MCMBP: variants seen among roughly 807,000 people sequenced by gnomAD.
MCMBP encodes the protein minichromosome maintenance complex binding protein, also known as mini-chromosome maintenance complex-binding protein.
Under a neutral mutation model 81.3 loss-of-function variants are expected in MCMBP, and 31 were observed. The observed-to-expected ratio is 0.38, with a 90% CI of 0.29 to 0.51. The LOEUF is 0.51. Ranked by LOEUF, MCMBP falls within the 20% of genes least tolerant of loss-of-function variation. The pLI, the probability that MCMBP is intolerant of heterozygous loss-of-function variation, is 0.87. For missense variants in MCMBP, 645 were observed against 772.1 expected (o/e 0.84, Z 1.95); for synonymous variants, 267 against 275.9 (o/e 0.97, Z 0.32).
At chr10:119,840,996 AG>A (rs765647637) in intron 10 of MCMBP, 36 bp from the exon 11 acceptor site, 1 of 1,206,544 alleles carries the variant, frequency 8.3e-7, no homozygotes, top group East Asian at 2.3e-5. Context: ...AAGATGCTGA[AG>A]TGACTTCCTG....
intron 1 of MCMBP, among the ~76,000 whole-genome samples, chr10:119,870,037 C>T (rs1853613600): frequency 6.6e-6 from 1 of 152,200 alleles, no homozygotes; most frequent in Admixed American, 6.5e-5. Flanking sequence ...ATTTAAATAG[C>T]CACACATGGC....
In MCMBP at chr10:119,831,260, T is replaced by G; in HGVS notation, c.*214A>C. 1 of 335,604 alleles carries G rather than the reference T, an allele frequency of 3.0e-6. No homozygotes were observed. Among genetic ancestry groups the G allele is most frequent in the Non-Finnish European group, 5.3e-6 (1 of 187,874 alleles). The allele number at this position is 335,604 out of a possible 1,614,324, so 20.8% of individuals were successfully genotyped here. ...ACATCATTACTAATTTATATAATTA[T>G]TATAAAACAAACTTCAAAAGCTCCA... On this transcript the variant is annotated 3_prime_UTR_variant, in exon 16 of 16. Transcript: ENST00000369077.
At chr10:119,867,046 A>G (rs1853484766) in intron 1 of MCMBP, among the ~76,000 whole-genome samples, 1 of 152,064 alleles carries the variant, frequency 6.6e-6, no homozygotes, top group African/African-American at 2.4e-5. Flanking sequence ...TAATCCCAGC[A>G]CTTTGGGAGG....
chr10:119,844,123 G>A (rs746530842), intron 8 of MCMBP, among the ~76,000 whole-genome samples: 2 of 152,120 alleles, frequency 1.3e-5, no homozygotes, highest in Non-Finnish European at 1.5e-5. Flanking sequence ...AAAGCCATCT[G>A]GTATCTATTA....
At chr10:119,841,511 AC>A (rs1852431497) in intron 10 of MCMBP, among the ~76,000 whole-genome samples, 1 of 152,280 alleles carries the variant, frequency 6.6e-6, no homozygotes, top group Non-Finnish European at 1.5e-5. Context: ...TGCAGCCACT[AC>A]AAAGTTCATG....
At position 119,859,037 on chromosome 10, in the gene MCMBP, T is replaced by C. The variant is rs1457139059; in HGVS notation, c.285+4A>G. 1 of 1,613,312 alleles carries C rather than the reference T, an allele frequency of 6.2e-7. No individual in the cohort carries two copies. The highest frequency in any genetic ancestry group is 8.5e-7 in the Non-Finnish European group (1 of 1,179,660). ...CACAAATTCATGAAAACAGCAATAC[T>C]TACATGTGCTTTTGTGTTTTGGTTA... On this transcript the variant is annotated splice_donor_region_variant and intron_variant, in intron 3 of 15. Coordinates refer to ENST00000369077, the MANE Select transcript of MCMBP (RefSeq NM_001256378.2).
In MCMBP at chr10:119,830,637, G is replaced by A. The variant is rs1283739377; in HGVS notation, c.*837C>T. On this transcript the variant is annotated 3_prime_UTR_variant, in exon 16 of 16. Coordinates refer to ENST00000369077, the MANE Select transcript of MCMBP (RefSeq NM_001256378.2). The stretch of plus-strand genomic sequence containing the variant: ...CATGGTTCTCAAATGCACTGGGATA[G>A]GAGAAAATAAAGACAATGTAGTGTC... The A allele has an allele frequency of 6.6e-6, 1 of 152,482 alleles. No individual in the cohort carries two copies. The highest frequency in any genetic ancestry group is 1.5e-5 in the Non-Finnish European group (1 of 68,040). The allele number at this position is 152,482 out of a possible 1,614,324, so 9.4% of individuals were successfully genotyped here.
At chr10:119,842,792 T>C in intron 9 of MCMBP, 197 bp from the exon 10 acceptor site, 1 of 502,604 alleles carries the variant, frequency 2.0e-6, no homozygotes, top group Non-Finnish European at 3.4e-6. Flanking sequence ...GAGACCAAGT[T>C]TTGCTCTTTT....
At chr10:119,847,387 TA>T (rs1239628320) in intron 8 of MCMBP, among the ~76,000 whole-genome samples, 3 of 152,156 alleles carry the variant, frequency 2.0e-5, no homozygotes, top group South Asian at 2.1e-4. Context: ...GACAAGCAGT[TA>T]GGGGTAAAAG....
intron 5 of MCMBP, 99 bp from the exon 6 acceptor site, chr10:119,853,293 A>C: frequency 7.9e-7 from 1 of 1,259,376 alleles, no homozygotes; most frequent in South Asian, 1.5e-5. Flanking sequence ...TTGGCAATTC[A>C]GTTAAAATAG....
intron 1 of MCMBP, among the ~76,000 whole-genome samples, chr10:119,867,980 T>C (rs147897687): frequency 2.0e-4 from 30 of 152,346 alleles, no homozygotes; most frequent in African/African-American, 7.2e-4. Flanking sequence ...TTAAATTCTC[T>C]AAAATGCTAG....
At chr10:119,835,225 A>G (rs1383103117) in intron 14 of MCMBP, among the ~76,000 whole-genome samples, 1 of 152,216 alleles carries the variant, frequency 6.6e-6, no homozygotes, top group African/African-American at 2.4e-5. Context: ...CATTAGCCAC[A>G]CAAATTTTTT....
chr10:119,843,525 G>A (rs1298665486), intron 8 of MCMBP, 99 bp from the exon 9 acceptor site: 1 of 1,164,036 alleles, frequency 8.6e-7, no homozygotes, highest in Non-Finnish European at 1.2e-6. Flanking sequence ...TTAAAGCCAA[G>A]AATATTTCCA....
Position 119,836,757 on chromosome 10 carries a change from GTTTTTTTTTTTTTTTTTTTT to G in MCMBP, c.1542+119_1542+138del, listed in dbSNP as rs199759464. On this transcript the variant is annotated intron_variant, in intron 13 of 15. Coordinates refer to ENST00000369077, the MANE Select transcript of MCMBP (RefSeq NM_001256378.2). Reference sequence around the variant, plus strand: ...ATTCCCTTAATGATCAGCAGTCACAGTTTTTTTTTTTTTTTTTTTTTTTTTTTTTTTTTTTTTACAACAAA... The same window carrying G: ...ATTCCCTTAATGATCAGCAGTCACAGTTTTTTTTTTTTTTTTTACAACAAA... The G allele has an allele frequency of 7.9e-3, 2,337 of 296,772 alleles. 57 individuals carry two copies. The highest frequency in any genetic ancestry group is 0.052 in the African/African-American group (1,611 of 30,960). The allele number at this position is 296,772 out of a possible 1,614,324, so 18.4% of individuals were successfully genotyped here. A position where few individuals can be genotyped will look rare whatever the true frequency, so the allele number is the denominator to read the frequency against.
At chr10:119,866,840 G>A (rs1405743765) in intron 1 of MCMBP, among the ~76,000 whole-genome samples, 1 of 152,116 alleles carries the variant, frequency 6.6e-6, no homozygotes, top group Non-Finnish European at 1.5e-5. Context: ...GCAGGCGCCT[G>A]TAGTCCCAAC....
intron 8 of MCMBP, among the ~76,000 whole-genome samples, chr10:119,846,844 G>A (rs1852635309): frequency 6.6e-6 from 1 of 151,902 alleles, no homozygotes. Context: ...AACCAGATCT[G>A]CTGGGAACTT....
In MCMBP at chr10:119,859,136, T is replaced by C. The variant is rs1564884307; in HGVS notation, c.190A>G (p.Ser64Gly). 6.2e-7 allele frequency: 1 copy of C among 1,613,918 alleles called. No homozygotes were observed. The highest frequency in any genetic ancestry group is 2.2e-5 in the East Asian group (1 of 44,848). ...ATCATGCAACGAAATTTCACAAAAC[T>C]ATTAGGTTTCAAATAATGAAGGGGA... ...EVPLHYLKPN[S>G]FVKFRCMIQD... Residue 64 changes from serine to glycine, a missense_variant, in exon 3 of 16, where the codon AGT (serine) becomes GGT (glycine). Transcript: ENST00000369077.
chr10:119,841,016 C>T (rs1852413353), intron 10 of MCMBP, 56 bp from the exon 11 acceptor site: 2 of 1,014,694 alleles, frequency 2.0e-6, no homozygotes, highest in Admixed American at 2.0e-5. Context: ...TGATTTCTAT[C>T]AAATAGCGAA....
intron 13 of MCMBP, among the ~76,000 whole-genome samples, chr10:119,836,117 A>C (rs1852232808): frequency 6.6e-6 from 1 of 152,192 alleles, no homozygotes; most frequent in Non-Finnish European, 1.5e-5. Context: ...TACAGGCGTG[A>C]GCCACCGCAG....
Sources: allele counts gnomAD v4.1 joint callset (sites outside exome capture counted in the v4.1 genomes callset), GRCh38; gene constraint gnomAD v4.1.1; transcripts MANE v1.5; gene names NCBI Gene and HGNC (gene_info 2026-07-23, HGNC 2026-07-21).